SYT13: variants seen among roughly 807,000 people sequenced by gnomAD.
SYT13 encodes the protein synaptotagmin 13.
Under a neutral mutation model 38.6 loss-of-function variants are expected in SYT13, and 21 were observed. That is an observed-to-expected ratio of 0.54 (90% CI 0.39 to 0.78). SYT13 has a LOEUF of 0.78. Ranked by LOEUF, SYT13 falls within the 30% of genes least tolerant of loss-of-function variation. SYT13 has a pLI of 0.00. For missense variants in SYT13, 495 were observed against 548.7 expected (o/e 0.90, Z 0.98); for synonymous variants, 241 against 237.6 (o/e 1.01, Z -0.13).
intron 1 of SYT13, among the ~76,000 whole-genome samples, chr11:45,258,172 T>C (rs1474783697): frequency 2.0e-5 from 3 of 152,220 alleles, no homozygotes; most frequent in Admixed American, 1.3e-4. Flanking sequence ...CAAAGCCCAC[T>C]GCCCCCATGG....
At chr11:45,274,824 C>T (rs965189028) in intron 1 of SYT13, among the ~76,000 whole-genome samples, 1 of 152,160 alleles carries the variant, frequency 6.6e-6, no homozygotes, top group East Asian at 1.9e-4. Context: ...GCTGTTCTTA[C>T]CAGAGAGTCC....
chr11:45,251,386 T>TAAAAAAAA (rs10649998), intron 4 of SYT13, among the ~76,000 whole-genome samples: 10 of 75,354 alleles, frequency 1.3e-4, no homozygotes, highest in Admixed American at 5.1e-4. Flanking sequence ...AGACTCTGTC[T>TAAAAAAAA]AAAAAAAAAA....
intron 1 of SYT13, among the ~76,000 whole-genome samples, chr11:45,275,495 A>G (rs1854999935): frequency 6.6e-6 from 1 of 152,224 alleles, no homozygotes; most frequent in East Asian, 1.9e-4. Context: ...GTACTCCATT[A>G]TTTTAAGGGA....
At chr11:45,254,720 T>C in intron 2 of SYT13, 1 of 232,610 alleles carries the variant, frequency 4.3e-6, no homozygotes, top group South Asian at 1.3e-4. Flanking sequence ...ATCATGTCTC[T>C]TCTTCCCATA....
intron 1 of SYT13, among the ~76,000 whole-genome samples, chr11:45,275,871 C>A (rs1195235172): frequency 6.6e-6 from 1 of 152,138 alleles, no homozygotes; most frequent in African/African-American, 2.4e-5. Context: ...GGAAAGATGA[C>A]AATAATAACA....
intron 1 of SYT13, 102 bp downstream of exon 1, chr11:45,285,923 T>A: frequency 6.7e-7 from 1 of 1,495,124 alleles, no homozygotes; most frequent in African/African-American, 1.4e-5. Flanking sequence ...CCAAGCTTTG[T>A]CGCGCAAAGA....
intron 1 of SYT13, among the ~76,000 whole-genome samples, chr11:45,269,777 G>T (rs1280841277): frequency 1.3e-5 from 2 of 152,084 alleles, no homozygotes; most frequent in Non-Finnish European, 2.9e-5. Context: ...TGGTTTCTTG[G>T]GGTTGTGTCT....
At chr11:45,261,631 A>G (rs1477997255) in intron 1 of SYT13, among the ~76,000 whole-genome samples, 2 of 151,182 alleles carry the variant, frequency 1.3e-5, no homozygotes, top group Non-Finnish European at 3.0e-5. Flanking sequence ...AGGAAAGAAA[A>G]ATAGCCAGCC....
chr11:45,245,379 T>C (rs942501622), intron 5 of SYT13, among the ~76,000 whole-genome samples: 1 of 152,292 alleles, frequency 6.6e-6, no homozygotes, highest in Middle Eastern at 3.4e-3. Flanking sequence ...AGACGAAGTG[T>C]TGTACTGTAA....
chr11:45,279,465 T>C (rs1009736442), intron 1 of SYT13, among the ~76,000 whole-genome samples: 1 of 152,074 alleles, frequency 6.6e-6, no homozygotes, highest in Non-Finnish European at 1.5e-5. Context: ...CACATGACTG[T>C]ATTCCCAGCT....
intron 1 of SYT13, among the ~76,000 whole-genome samples, chr11:45,279,676 T>C (rs1855049453): frequency 6.6e-6 from 1 of 152,220 alleles, no homozygotes. Context: ...ATCACTATTA[T>C]TTATTACTGT....
rs1176738703 is a variant in SYT13 at position 45,242,905 on chromosome 11, A to G, written c.*1147T>C. On this transcript the variant is annotated 3_prime_UTR_variant, in exon 6 of 6. Coordinates refer to ENST00000020926, the MANE Select transcript of SYT13 (RefSeq NM_020826.3). ...AAACCTAGCTGCTGGTTATTTACCC[A>G]TTCAAGTGAAAACAGACAGAGGGAG... The G allele has an allele frequency of 6.6e-6, 1 of 152,236 alleles. No homozygotes were observed. Among genetic ancestry groups the G allele is most frequent in the Non-Finnish European group, 1.5e-5 (1 of 68,040 alleles). The allele number at this position is 152,236 out of a possible 1,614,324, so 9.4% of individuals were successfully genotyped here.
At chr11:45,254,541 A>C (rs961651382) in intron 2 of SYT13, 137 bp from the exon 3 acceptor site, 1 of 1,250,054 alleles carries the variant, frequency 8.0e-7, no homozygotes. Context: ...CACAGTGGCC[A>C]CACCAAGACA....
intron 1 of SYT13, among the ~76,000 whole-genome samples, chr11:45,281,052 C>A (rs991556011): frequency 6.6e-6 from 1 of 151,780 alleles, no homozygotes; most frequent in Non-Finnish European, 1.5e-5. Context: ...AAAGATTAGC[C>A]GGGCATGGTG....
intron 1 of SYT13, among the ~76,000 whole-genome samples, chr11:45,285,349 C>T (rs1029615268): frequency 4.6e-5 from 7 of 152,240 alleles, no homozygotes; most frequent in Non-Finnish European, 8.8e-5. Context: ...CCAGGGACGT[C>T]TGCAGAGACA....
intron 5 of SYT13, 126 bp from the exon 6 acceptor site, chr11:45,244,482 G>T: frequency 8.6e-7 from 1 of 1,161,620 alleles, no homozygotes; most frequent in Non-Finnish European, 1.2e-6. Context: ...TCGGACATCT[G>T]TGCCCCATAT....
At chr11:45,275,112 AGGT>A (rs1854993861) in intron 1 of SYT13, among the ~76,000 whole-genome samples, 3 of 152,126 alleles carry the variant, frequency 2.0e-5, no homozygotes, top group Admixed American at 6.6e-5. Flanking sequence ...CTACAAGCAG[AGGT>A]GGCAGCCCCA....
chr11:45,249,595 T>C (rs1016303582), intron 4 of SYT13, among the ~76,000 whole-genome samples: 1 of 152,190 alleles, frequency 6.6e-6, no homozygotes, highest in Admixed American at 6.5e-5. Context: ...TCATGTCCTT[T>C]GCAGGGATAT....
chr11:45,254,597 A>G, intron 2 of SYT13, 193 bp from the exon 3 acceptor site: 1 of 580,730 alleles, frequency 1.7e-6, no homozygotes, highest in Non-Finnish European at 2.8e-6. Flanking sequence ...ATCTGTGTCC[A>G]CTGGCTCCCT....
Sources: allele counts gnomAD v4.1 joint callset (sites outside exome capture counted in the v4.1 genomes callset), GRCh38; gene constraint gnomAD v4.1.1; transcripts MANE v1.5; gene names NCBI Gene and HGNC (gene_info 2026-07-23, HGNC 2026-07-21).